TSPO: variants seen among roughly 807,000 people sequenced by gnomAD.
TSPO encodes the protein benzodiazepine peripheral binding site.
In TSPO, 14 loss-of-function variants were observed where a neutral mutation model predicts 13.9. The ratio of observed to expected loss-of-function variants is 1.01; its 90% CI spans 0.67 to 1.58. The LOEUF is 1.58. TSPO is among the 40% of genes most tolerant of loss of function. The pLI is 0.00. For synonymous variants in TSPO, 114 were observed against 105.9 expected, an observed-to-expected ratio of 1.08 and a Z score of -0.47; for missense variants, 232 against 229.6, an observed-to-expected ratio of 1.01 and a Z score of -0.07.
In TSPO at chr22:43,162,876, T is replaced by A; in HGVS notation, c.395T>A (p.Leu132Gln). 6.3e-7 allele frequency: 1 copy of A among 1,578,076 alleles called. No homozygotes were observed. Among genetic ancestry groups the A allele is most frequent in the Non-Finnish European group, 8.6e-7 (1 of 1,163,216 alleles). The change falls in exon 4 of 4, where the codon CTG (leucine) becomes CAG (glutamine). Residue 132 changes from leucine to glutamine, a missense_variant. Coordinates refer to ENST00000337554, the MANE Select transcript of TSPO (RefSeq NM_000714.6). ...TTVAWYQVSP[L>Q]AARLLYPYLA... ...GTGGCCTGGTACCAGGTGAGCCCGC[T>A]GGCCGCCCGCCTGCTCTACCCCTAC...
At chr22:43,159,110 T>G in intron 1 of TSPO, 100 bp from the exon 2 acceptor site, 3 of 943,070 alleles carry the variant, frequency 3.2e-6, no homozygotes, top group Non-Finnish European at 4.5e-6. Flanking sequence ...GCTGACTGGT[T>G]GATCTGTGGG....
At chr22:43,154,067 C>A (rs1931176416) in intron 1 of TSPO, among the ~76,000 whole-genome samples, 1 of 152,200 alleles carries the variant, frequency 6.6e-6, no homozygotes, top group African/African-American at 2.4e-5. Context: ...CCTCACCCTA[C>A]CCTCTCCCAG....
intron 1 of TSPO, among the ~76,000 whole-genome samples, chr22:43,157,236 C>T (rs1423618195): frequency 6.9e-6 from 1 of 145,958 alleles, no homozygotes; most frequent in African/African-American, 2.8e-5. Context: ...AGACCCCCAT[C>T]CCCACCCCAT....
At chr22:43,161,846 AC>A (rs1931451569) in intron 3 of TSPO, among the ~76,000 whole-genome samples, 1 of 151,802 alleles carries the variant, frequency 6.6e-6, no homozygotes, top group African/African-American at 2.4e-5. Context: ...AGAGATGAAG[AC>A]TCGCTGTGTT....
At position 43,156,064 on chromosome 22, in the gene TSPO, G is replaced by A. The variant is rs1163334287; in HGVS notation, c.-29-3146G>A. ...CTCCTTGTGGGGCATCTGACCGCCT[G>A]TTTTCTGGTGGGGCAGACCCTCTGA... On this transcript the variant is annotated intron_variant, in intron 1 of 3. Coordinates refer to ENST00000337554, the MANE Select transcript of TSPO (RefSeq NM_000714.6). Among the ~76,000 whole-genome samples, 8 of 152,372 alleles carry A rather than the reference G, an allele frequency of 5.3e-5. No homozygotes were observed. In the East Asian group the frequency reaches 1.5e-3, roughly 29 times the overall value.
rs1931418178 is a variant in TSPO at position 43,161,034 on chromosome 22, C to CTGCG, written c.183-17_183-14dup. 1 of 1,608,858 alleles carries CTGCG rather than the reference C, an allele frequency of 6.2e-7. No individual in the cohort carries two copies. Among genetic ancestry groups the CTGCG allele is most frequent in the South Asian group, 1.1e-5 (1 of 90,516 alleles). ...GCCTTGTTCCTAATGGTGCTCTGAA[C>CTGCG]TGCGGCCTCTGTTTCAGGTACGGCT... On this transcript the variant is annotated splice_polypyrimidine_tract_variant and intron_variant, in intron 2 of 3. Coordinates refer to ENST00000337554, the MANE Select transcript of TSPO (RefSeq NM_000714.6).
At chr22:43,160,479 G>C (rs1931400293) in intron 2 of TSPO, among the ~76,000 whole-genome samples, 1 of 152,202 alleles carries the variant, frequency 6.6e-6, no homozygotes, top group African/African-American at 2.4e-5. Context: ...TGAAATGAGT[G>C]AATGCTTGGG....
chr22:43,152,742 C>T (rs548957298), intron 1 of TSPO, among the ~76,000 whole-genome samples: 4 of 152,384 alleles, frequency 2.6e-5, no homozygotes, highest in South Asian at 4.1e-4. Context: ...ACGCAGCTGG[C>T]GCGGTGGAGC....
chr22:43,159,454 T>C (rs1931364204), intron 2 of TSPO, 34 bp downstream of exon 2: 1 of 1,422,314 alleles, frequency 7.0e-7, no homozygotes. Context: ...GGGATAAGCC[T>C]GGCCCTTTGC....
Position 43,163,095 on chromosome 22 carries a change from G to A in TSPO, c.*104G>A. 2 of 1,526,174 alleles carry A rather than the reference G, an allele frequency of 1.3e-6. No individual in the cohort carries two copies. The highest frequency in any genetic ancestry group is 1.8e-6 in the Non-Finnish European group (2 of 1,136,036). The allele number at this position is 1,526,174 out of a possible 1,614,324, so 94.5% of individuals were successfully genotyped here. On this transcript the variant is annotated 3_prime_UTR_variant, in exon 4 of 4. Coordinates refer to ENST00000337554, the MANE Select transcript of TSPO (RefSeq NM_000714.6). ...GACCACTGGGCCTGCTAGTCTGTCA[G>A]GGCCTTGGCCCAGGGGTCAGCAGAG...
At position 43,157,918 on chromosome 22, in the gene TSPO, GTGTTA is replaced by G. The variant is rs1206570686; in HGVS notation, c.-29-1287_-29-1283del. Among the ~76,000 whole-genome samples the G allele has an allele frequency of 3.9e-5, 6 of 152,250 alleles. No individual in the cohort carries two copies. In the South Asian group the frequency reaches 8.3e-4, roughly 21 times the overall value. On this transcript the variant is annotated intron_variant, in intron 1 of 3. Transcript: ENST00000337554. ...GTCAATGTTATATTCTGCTTTCTTCGTGTTATGTTGAGAACAACTTTCTCGTTACT... is the reference window on the plus strand; with the variant it reads ...GTCAATGTTATATTCTGCTTTCTTCGTGTTGAGAACAACTTTCTCGTTACT...
At position 43,161,193 on chromosome 22, in the gene TSPO, A is replaced by G. The variant is rs112658712; in HGVS notation, c.321+3A>G. The G allele has an allele frequency of 2.5e-5, 41 of 1,610,752 alleles. 1 individual carries two copies. In the African/African-American group the frequency reaches 4.0e-4, roughly 16 times the overall value. On this transcript the variant is annotated splice_donor_region_variant and intron_variant, in intron 3 of 3. Transcript: ENST00000337554. ...TTGGTGCCCGACAAATGGGCTGGGT[A>G]AGTGTGGCCACAGCATGTGTCCCTG...
At chr22:43,159,188 C>G (rs3937387) in intron 1 of TSPO, 22 bp from the exon 2 acceptor site, 890,905 of 1,458,192 alleles carry the variant, frequency 0.61, 277,437 homozygotes, top group East Asian at 1. Flanking sequence ...ATGCCCTCAC[C>G]CAGCCCTGTC....
intron 2 of TSPO, among the ~76,000 whole-genome samples, chr22:43,160,420 C>G (rs1425088035): frequency 1.3e-5 from 2 of 152,224 alleles, no homozygotes; most frequent in African/African-American, 4.8e-5. Context: ...AGTCTCCTCA[C>G]TGTAAAGGGG....
At chr22:43,162,654 G>C (rs945801189) in intron 3 of TSPO, 149 bp from the exon 4 acceptor site, 18 of 738,844 alleles carry the variant, frequency 2.4e-5, no homozygotes, top group Non-Finnish European at 3.7e-5. Context: ...CTGCGATGGG[G>C]GAGGGGCTTG....
At position 43,162,887 on chromosome 22, in the gene TSPO, C is replaced by T; in HGVS notation, c.406C>T (p.Leu136=). 1 of 1,583,784 alleles carries T rather than the reference C, an allele frequency of 6.3e-7. No individual in the cohort carries two copies. Among genetic ancestry groups the T allele is most frequent in the Non-Finnish European group, 8.6e-7 (1 of 1,165,710 alleles). ...WYQVSPLAAR[L]LYPYLAWLAF... ...CCAGGTGAGCCCGCTGGCCGCCCGC[C>T]TGCTCTACCCCTACCTGGCCTGGCT... The change falls in exon 4 of 4, where the codon CTG becomes TTG. Residue 136 remains leucine, a synonymous_variant. Transcript: ENST00000337554.
At chr22:43,162,141 A>G (rs1391140093) in intron 3 of TSPO, among the ~76,000 whole-genome samples, 2 of 129,946 alleles carry the variant, frequency 1.5e-5, no homozygotes, top group Admixed American at 8.1e-5. Flanking sequence ...TTTTTTTTTG[A>G]GACGGAGTCT....
rs566490686 is a variant in TSPO, at chr22:43,161,674, ATT to A, written c.321+490_321+491del. On this transcript the variant is annotated intron_variant, in intron 3 of 3. Transcript: ENST00000337554. ...GGCTAATTTTTGTATTTGTATTTGT[ATT>A]TTTTTAGTAGAGATGGGGTTTCACT... Among the ~76,000 whole-genome samples, 241 of 150,938 alleles carry A rather than the reference ATT, an allele frequency of 1.6e-3. 2 individuals are homozygous for A. The highest frequency in any genetic ancestry group is 2.9e-3 in the Non-Finnish European group (194 of 67,610).
At chr22:43,157,618 T>C (rs547741987) in intron 1 of TSPO, among the ~76,000 whole-genome samples, 38 of 152,180 alleles carry the variant, frequency 2.5e-4, no homozygotes, top group African/African-American at 8.7e-4. Flanking sequence ...TCAACTCAGG[T>C]CAGGAGTTTG....
Sources: gnomAD v4.1 joint callset for allele counts (sites outside exome capture counted in the v4.1 genomes callset) on GRCh38, gnomAD v4.1.1 for gene constraint, MANE v1.5 for transcripts, NCBI Gene and HGNC (gene_info 2026-07-23, HGNC 2026-07-21) for gene names.